The following INSL6 variants were observed in gnomAD, a reference collection of about 807,000 sequenced individuals.
INSL6 encodes insulin-like peptide INSL6.
A neutral mutation model predicts 9.4 loss-of-function variants in INSL6; 16 were observed. The observed-to-expected ratio is 1.70, with a 90% CI of 1.15 to 2.59. INSL6 has a LOEUF of 2.59. Ranked by LOEUF, INSL6 falls within the 30% of genes most tolerant of loss-of-function variation. INSL6 has a pLI of 0.00. For synonymous variants in INSL6, 154 were observed against 96.9 expected, an observed-to-expected ratio of 1.59 and a Z score of -3.46; for missense variants, 391 against 257.3, an observed-to-expected ratio of 1.52 and a Z score of -3.56.
chr9:5,071,012 G>A, the INSL6 span, among the ~76,000 whole-genome samples: 1 of 152,134 alleles, frequency 6.6e-6, no homozygotes, highest in Non-Finnish European at 1.5e-5. Flanking sequence ...AGCAAGCAGA[G>A]AAGAAAAGGA....
the INSL6 span, chr9:5,055,900 TAA>T: frequency 1.1e-6 from 1 of 929,266 alleles, no homozygotes; most frequent in Non-Finnish European, 1.6e-6. Flanking sequence ...ATTGTAGTTT[TAA>T]ATATAACTCT....
chr9:5,185,177 G>GT, intron 1 of INSL6, 137 bp downstream of exon 1: 3 of 1,107,230 alleles, frequency 2.7e-6, no homozygotes, highest in South Asian at 2.7e-5. Context: ...TCAATACACT[G>GT]TTTTTTACAA....
the INSL6 span, chr9:5,078,472 G>C: frequency 6.4e-7 from 1 of 1,573,602 alleles, no homozygotes; most frequent in South Asian, 1.2e-5. Context: ...TATATATAAT[G>C]TTACTAAGCT....
At chr9:5,026,961 T>G in the INSL6 span, among the ~76,000 whole-genome samples, 5 of 152,244 alleles carry the variant, frequency 3.3e-5, no homozygotes, top group Non-Finnish European at 5.9e-5. Flanking sequence ...TGTGTAAAAC[T>G]TGACACATTG....
the INSL6 span, among the ~76,000 whole-genome samples, chr9:5,017,796 C>T: frequency 6.6e-6 from 1 of 152,072 alleles, no homozygotes; most frequent in Admixed American, 6.6e-5. Context: ...ACAGTAATTG[C>T]CAGGTTTTGT....
chr9:5,027,120 A>G, the INSL6 span, among the ~76,000 whole-genome samples: 109 of 152,356 alleles, frequency 7.2e-4, no homozygotes, highest in African/African-American at 2.5e-3. Flanking sequence ...CAACCTTTCT[A>G]TAGAGGACAA....
the INSL6 span, among the ~76,000 whole-genome samples, chr9:5,103,035 C>T: frequency 7.2e-4 from 110 of 151,894 alleles, no homozygotes; most frequent in Non-Finnish European, 1.2e-3. Flanking sequence ...TTCAAATTCA[C>T]ACATAACAAT....
At chr9:5,056,861 G>C in the INSL6 span, among the ~76,000 whole-genome samples, 7 of 152,158 alleles carry the variant, frequency 4.6e-5, no homozygotes, top group Admixed American at 2.0e-4. Context: ...CTGCAATACA[G>C]AGAAGTTAAG....
the INSL6 span, chr9:5,055,563 TTTTTTA>T: frequency 1.1e-6 from 1 of 885,038 alleles, no homozygotes; most frequent in African/African-American, 1.7e-5. Context: ...TATCAATACC[TTTTTTA>T]TTTTAAAGAA....
the INSL6 span, among the ~76,000 whole-genome samples, chr9:5,031,093 G>C: frequency 6.6e-6 from 1 of 152,008 alleles, no homozygotes; most frequent in Admixed American, 6.6e-5. Flanking sequence ...TGAAGAATTA[G>C]GACATAACAT....
At chr9:5,015,646 TC>T in the INSL6 span, among the ~76,000 whole-genome samples, 1 of 152,084 alleles carries the variant, frequency 6.6e-6, no homozygotes, top group Non-Finnish European at 1.5e-5. Context: ...GCTCAAGTGA[TC>T]CTATTGTTTT....
At chr9:5,136,099 C>A (rs933726431) in intron 2 of INSL6, among the ~76,000 whole-genome samples, 1 of 152,066 alleles carries the variant, frequency 6.6e-6, no homozygotes, top group Non-Finnish European at 1.5e-5. Context: ...CTGAATAGAC[C>A]AATAACAACT....
At chr9:5,112,179 G>A in the INSL6 span, 6 of 266,024 alleles carry the variant, frequency 2.3e-5, no homozygotes, top group African/African-American at 6.9e-5. Context: ...GCCACCGGGC[G>A]CTGGCCTTGG....
At chr9:5,050,155 T>C in the INSL6 span, among the ~76,000 whole-genome samples, 2 of 152,244 alleles carry the variant, frequency 1.3e-5, no homozygotes, top group Admixed American at 6.5e-5. Flanking sequence ...TTTGAAGATA[T>C]ATTTAATGAA....
chr9:4,996,712 C>T, the INSL6 span, among the ~76,000 whole-genome samples: 1 of 151,806 alleles, frequency 6.6e-6, no homozygotes, highest in African/African-American at 2.4e-5. Flanking sequence ...CTACCCCTCC[C>T]TGCCACAGAC....
the INSL6 span, chr9:5,085,605 A>T: frequency 1.4e-6 from 1 of 699,020 alleles, no homozygotes; most frequent in Non-Finnish European, 2.7e-6. Context: ...CTACAGAAAG[A>T]ATTAAATCTC....
chr9:5,144,358 T>C (rs1429053788), intron 2 of INSL6, among the ~76,000 whole-genome samples: 1 of 152,240 alleles, frequency 6.6e-6, no homozygotes, highest in Non-Finnish European at 1.5e-5. Context: ...GGCACTGTGG[T>C]ACGAGAGACC....
chr9:5,090,200 T>C, the INSL6 span, among the ~76,000 whole-genome samples: 1 of 152,224 alleles, frequency 6.6e-6, no homozygotes, highest in Non-Finnish European at 1.5e-5. Context: ...TCTCATCAGT[T>C]TATTTTGGTT....
chr9:5,009,810 G>C, the INSL6 span, among the ~76,000 whole-genome samples: 1 of 149,606 alleles, frequency 6.7e-6, no homozygotes, highest in East Asian at 1.9e-4. Flanking sequence ...TTGCTCTGTT[G>C]CCCAGGCTGG....
Sources: allele counts gnomAD v4.1 joint callset (sites outside exome capture counted in the v4.1 genomes callset), GRCh38; gene constraint gnomAD v4.1.1; transcripts MANE v1.5; gene names NCBI Gene and HGNC (gene_info 2026-07-23, HGNC 2026-07-21).